CACNB4: variants seen among roughly 807,000 people sequenced by gnomAD.
CACNB4 encodes the protein calcium voltage-gated channel auxiliary subunit beta 4, also known as voltage-dependent L-type calcium channel subunit beta-4.
In CACNB4, 32 loss-of-function variants were observed where a neutral mutation model predicts 71.2. The ratio of observed to expected loss-of-function variants is 0.45; its 90% CI spans 0.34 to 0.60. The LOEUF (loss-of-function observed/expected upper bound fraction) is 0.60. CACNB4 is among the 20% of genes least tolerant of loss of function. CACNB4 has a pLI of 0.01. For missense variants in CACNB4, 464 were observed against 647.9 expected (o/e 0.72, Z 3.08); for synonymous variants, 231 against 236.9 (o/e 0.97, Z 0.23).
intron 2 of CACNB4, among the ~76,000 whole-genome samples, chr2:151,928,300 C>T (rs748561671): frequency 3.9e-5 from 6 of 152,312 alleles, no homozygotes; most frequent in Non-Finnish European, 8.8e-5. Context: ...CCTTTTACAG[C>T]GCTTTCTACA....
intron 2 of CACNB4, among the ~76,000 whole-genome samples, chr2:151,892,985 T>C (rs2099851108): frequency 6.6e-6 from 1 of 152,134 alleles, no homozygotes; most frequent in Non-Finnish European, 1.5e-5. Flanking sequence ...AGAAACTGTT[T>C]AGAAAAAAAT....
At chr2:151,934,843 A>G (rs1318152358) in intron 2 of CACNB4, among the ~76,000 whole-genome samples, 1 of 152,256 alleles carries the variant, frequency 6.6e-6, no homozygotes, top group African/African-American at 2.4e-5. Context: ...CTCAAAAAAA[A>G]GAAAAAATCC....
chr2:152,091,261 T>C (rs565961528), intron 2 of CACNB4, among the ~76,000 whole-genome samples: 67 of 152,254 alleles, frequency 4.4e-4, no homozygotes, highest in African/African-American at 1.3e-3. Flanking sequence ...AGAAGATTCA[T>C]TGCACAAAAA....
At chr2:151,983,977 C>T (rs1392268238) in intron 2 of CACNB4, among the ~76,000 whole-genome samples, 1 of 152,044 alleles carries the variant, frequency 6.6e-6, no homozygotes, top group Non-Finnish European at 1.5e-5. Flanking sequence ...TCATAATTTT[C>T]AAAAACATTA....
chr2:151,973,867 C>T (rs2099873267), intron 2 of CACNB4: 3 of 1,468,792 alleles, frequency 2.0e-6, no homozygotes, highest in Middle Eastern at 1.9e-4. Flanking sequence ...TATTCATTCA[C>T]ATCCCACAGG....
chr2:151,980,304 C>G (rs2099874493), intron 2 of CACNB4, among the ~76,000 whole-genome samples: 1 of 152,142 alleles, frequency 6.6e-6, no homozygotes, highest in South Asian at 2.1e-4. Context: ...GGCCCCAACA[C>G]TTCTCTTCTG....
intron 2 of CACNB4, among the ~76,000 whole-genome samples, chr2:152,019,623 G>A (rs139677823): frequency 6.6e-6 from 1 of 152,158 alleles, no homozygotes; most frequent in African/African-American, 2.4e-5. Flanking sequence ...GAATAAAAGT[G>A]TTTTCTGATA....
chr2:152,053,336 AG>A (rs1172272296), intron 2 of CACNB4, among the ~76,000 whole-genome samples: 1 of 152,140 alleles, frequency 6.6e-6, no homozygotes, highest in Non-Finnish European at 1.5e-5. Context: ...AAAAAACCAA[AG>A]GGCAGGGTTT....
chr2:151,971,939 C>G (rs1353405924), intron 2 of CACNB4: 2 of 342,702 alleles, frequency 5.8e-6, no homozygotes, highest in Non-Finnish European at 1.1e-5. Flanking sequence ...ACCACTGAGT[C>G]ACCAGGAGTA....
At chr2:151,937,581 G>A (rs1012348629) in intron 2 of CACNB4, among the ~76,000 whole-genome samples, 1 of 152,154 alleles carries the variant, frequency 6.6e-6, no homozygotes, top group African/African-American at 2.4e-5. Context: ...AGAAAAAGCT[G>A]GCAAGGTTTC....
intron 2 of CACNB4, among the ~76,000 whole-genome samples, chr2:152,075,224 A>C: frequency 6.6e-6 from 1 of 152,214 alleles, no homozygotes; most frequent in Non-Finnish European, 1.5e-5. Flanking sequence ...CACAAACAGA[A>C]AGTGATAGAA....
chr2:151,932,531 T>C (rs564602170), intron 2 of CACNB4, among the ~76,000 whole-genome samples: 13 of 152,274 alleles, frequency 8.5e-5, no homozygotes, highest in Non-Finnish European at 1.6e-4. Context: ...GTATCTCAGA[T>C]GTGATCTGAT....
chr2:151,840,739 A>C (rs2099835981), intron 13 of CACNB4, among the ~76,000 whole-genome samples: 1 of 152,176 alleles, frequency 6.6e-6, no homozygotes, highest in East Asian at 1.9e-4. Context: ...AGCATTTCAG[A>C]GAGTGCCATT....
rs113701389 is a variant in CACNB4, at chr2:152,061,496, T to A, written c.147+36834A>T. ...ACTTTTAAAAACAGCTTTAAGTAAG[T>A]AGGCTTATTTGAGCCTCCCAAAACT... is the stretch of plus-strand genomic sequence containing the variant. On this transcript the variant is annotated intron_variant, in intron 2 of 13. Transcript: ENST00000539935. 3.0e-4 allele frequency among the ~76,000 whole-genome samples: 46 copies of A among 152,272 alleles called. No individual in the cohort carries two copies. In the East Asian group the frequency reaches 5.6e-3, roughly 19 times the overall value.
Position 151,837,118 on chromosome 2 carries a change from G to C in CACNB4, c.*2001C>G, listed in dbSNP as rs1166952506. The stretch of plus-strand genomic sequence containing the variant: ...TGGCAGGTTATATGTTTATTAAAGT[G>C]CCTAATGGATATAACTCTTTTAAAA... On this transcript the variant is annotated 3_prime_UTR_variant, in exon 14 of 14. Transcript: ENST00000539935. The C allele has an allele frequency of 1.3e-5, 2 of 151,894 alleles. No individual in the cohort carries two copies. Among genetic ancestry groups the C allele is most frequent in the Admixed American group, 6.6e-5 (1 of 15,240 alleles). 9.4% of individuals were successfully genotyped at this position (151,894 alleles called of 1,614,324 possible).
intron 2 of CACNB4, among the ~76,000 whole-genome samples, chr2:151,960,632 T>C (rs987024755): frequency 1.3e-5 from 2 of 152,186 alleles, no homozygotes; most frequent in Admixed American, 1.3e-4. Flanking sequence ...CATATCCCAG[T>C]GATGGGTTAC....
intron 12 of CACNB4, among the ~76,000 whole-genome samples, chr2:151,844,195 A>C (rs888657880): frequency 2.0e-5 from 3 of 152,256 alleles, no homozygotes; most frequent in African/African-American, 7.2e-5. Context: ...AGAAGCATAA[A>C]GTGTGGTGGG....
intron 2 of CACNB4, among the ~76,000 whole-genome samples, chr2:152,049,449 C>A (rs1050124722): frequency 6.6e-6 from 1 of 152,190 alleles, no homozygotes; most frequent in Non-Finnish European, 1.5e-5. Flanking sequence ...CTGCACCCGG[C>A]CTGCATTCTC....
intron 2 of CACNB4, among the ~76,000 whole-genome samples, chr2:152,077,224 C>A (rs918633798): frequency 6.6e-6 from 1 of 152,026 alleles, no homozygotes; most frequent in Non-Finnish European, 1.5e-5. Flanking sequence ...AGTTCAAGAC[C>A]GGCCTGGCCA....
Sources: gnomAD v4.1 joint callset for allele counts (sites outside exome capture counted in the v4.1 genomes callset) on GRCh38, gnomAD v4.1.1 for gene constraint, MANE v1.5 for transcripts, NCBI Gene and HGNC (gene_info 2026-07-23, HGNC 2026-07-21) for gene names.